Variants in ZBTB32 observed in about 807,000 individuals in gnomAD.
ZBTB32 encodes the protein zinc finger and BTB domain containing 32.
A neutral mutation model predicts 45.3 loss-of-function variants in ZBTB32; 28 were observed. The ratio of observed to expected loss-of-function variants is 0.62; its 90% CI spans 0.46 to 0.85. The LOEUF (loss-of-function observed/expected upper bound fraction) is 0.85, where lower values mean the gene tolerates loss of function less well. Among genes scored for constraint, ZBTB32 ranks in the 40% least tolerant of loss-of-function variants. The pLI is 0.00. For missense variants in ZBTB32, 587 were observed against 624.4 expected (o/e 0.94, Z 0.64); for synonymous variants, 283 against 255.7 (o/e 1.11, Z -1.02).
intron 2 of ZBTB32, among the ~76,000 whole-genome samples, chr19:35,713,763 A>G (rs1968769327): frequency 6.6e-6 from 1 of 152,208 alleles, no homozygotes; most frequent in African/African-American, 2.4e-5. Context: ...TCTTATGAAA[A>G]ACAAATTAAA....
chr19:35,714,969 G>C lies in ZBTB32; in HGVS notation c.343G>C (p.Asp115His). The C allele has an allele frequency of 6.3e-7, 1 of 1,597,906 alleles. No homozygotes were observed. The highest frequency in any genetic ancestry group is 8.5e-7 in the Non-Finnish European group (1 of 1,172,346). ...AGAGGCATGCTGGAGGGCTCGAGGG[G>C]ACAGGGCTAAAAAGCCAGATCCAGG... The part of the protein sequence containing the change: ...LEEACWRARG[D>H]RAKKPDPGLK... The change falls in exon 3 of 7, where the codon GAC becomes CAC. Residue 115 changes from aspartate to histidine, a missense_variant. Physicochemically the swap from Asp to His is moderately conservative, Grantham distance 81. Transcript: ENST00000392197.
chr19:35,705,318 A>T, intron 1 of ZBTB32, among the ~76,000 whole-genome samples: 1 of 149,522 alleles, frequency 6.7e-6, no homozygotes, highest in Non-Finnish European at 1.5e-5. Flanking sequence ...ACCCTGTCTC[A>T]AGAAAAAAAA....
Position 35,715,461 on chromosome 19 carries a change from A to T in ZBTB32, c.835A>T (p.Ser279Cys). ...PPRYGIPFYH[S>C]TPTTGAWQEV... ...CAGATATGGCATTCCCTTCTACCAT[A>T]GCACCCCCACCACTGGAGCCTGGCA... Residue 279 changes from serine (S) to cysteine (C), a missense_variant, in exon 3 of 7, where the codon AGC becomes TGC. Ser to Cys is a moderately radical substitution (Grantham distance 112, BLOSUM62 -1). Coordinates refer to ENST00000392197, the MANE Select transcript of ZBTB32 (RefSeq NM_014383.3). The T allele has an allele frequency of 1.3e-6, 2 of 1,574,810 alleles. No individual in the cohort carries two copies. The highest frequency in any genetic ancestry group is 1.2e-5 in the South Asian group (1 of 85,876).
rs901216836 is a variant in ZBTB32 at position 35,716,948 on chromosome 19, G to C, written c.*196G>C. Reference sequence around the variant, plus strand: ...CAGGCCAGCGAGCCCTACAGAGTGAGGACACTGAAGTGTGCAGGAGCGAAG... The same window carrying C: ...CAGGCCAGCGAGCCCTACAGAGTGACGACACTGAAGTGTGCAGGAGCGAAG... On this transcript the variant is annotated 3_prime_UTR_variant, in exon 7 of 7. Coordinates refer to ENST00000392197, the MANE Select transcript of ZBTB32 (RefSeq NM_014383.3). The C allele has an allele frequency of 2.3e-5, 14 of 620,336 alleles. No individual in the cohort carries two copies. Among genetic ancestry groups the C allele is most frequent in the Non-Finnish European group, 3.4e-5 (12 of 355,450 alleles). The allele number at this position is 620,336 out of a possible 1,614,324, so 38.4% of individuals were successfully genotyped here.
At chr19:35,710,433 A>AG (rs1234062302) in intron 1 of ZBTB32, among the ~76,000 whole-genome samples, 1 of 151,868 alleles carries the variant, frequency 6.6e-6, no homozygotes, top group African/African-American at 2.4e-5. Context: ...AGGAAGAGGA[A>AG]GGGGGGGCAA....
At chr19:35,708,887 C>G (rs552703528) in intron 1 of ZBTB32, among the ~76,000 whole-genome samples, 50 of 150,862 alleles carry the variant, frequency 3.3e-4, no homozygotes, top group Non-Finnish European at 5.9e-4. Flanking sequence ...GGCGCGATCT[C>G]GGCTCACCGC....
At chr19:35,710,444 G>A (rs1273196984) in intron 1 of ZBTB32, among the ~76,000 whole-genome samples, 2 of 151,972 alleles carry the variant, frequency 1.3e-5, no homozygotes, top group Non-Finnish European at 1.5e-5. Context: ...GGGGGGGCAA[G>A]GTTTTTGAGT....
At chr19:35,705,678 T>G (rs1968520599) in intron 1 of ZBTB32, among the ~76,000 whole-genome samples, 1 of 149,076 alleles carries the variant, frequency 6.7e-6, no homozygotes, top group Admixed American at 6.7e-5. Flanking sequence ...TTTGGGAGGC[T>G]GAGGTGGGTG....
intron 1 of ZBTB32, among the ~76,000 whole-genome samples, chr19:35,707,552 T>G (rs1205672047): frequency 3.3e-5 from 5 of 151,888 alleles, no homozygotes; most frequent in Non-Finnish European, 7.4e-5. Context: ...GTATTTTTAG[T>G]AGAGACGGCA....
In ZBTB32 at chr19:35,715,165, C is replaced by T. The variant is rs768724617; in HGVS notation, c.539C>T (p.Ala180Val). The T allele has an allele frequency of 4.3e-6, 7 of 1,613,482 alleles. No individual in the cohort carries two copies. In the East Asian group the frequency reaches 1.3e-4, roughly 31 times the overall value. Reference protein sequence around the residue: ...PPRGRPEMAGATQEAQQEQTR... With the variant: ...PPRGRPEMAGVTQEAQQEQTR... Reference sequence around the variant, plus strand: ...AGAGGCAGACCCGAGATGGCAGGAGCAACGCAGGAGGCTCAGCAGGAACAG... The same window carrying T: ...AGAGGCAGACCCGAGATGGCAGGAGTAACGCAGGAGGCTCAGCAGGAACAG... Residue 180 changes from alanine (A) to valine (V), a missense_variant, in exon 3 of 7, where the codon GCA becomes GTA. Physicochemically the swap from Ala to Val is moderately conservative, Grantham distance 64. Coordinates refer to ENST00000392197, the MANE Select transcript of ZBTB32 (RefSeq NM_014383.3).
At chr19:35,707,542 G>A (rs1968577890) in intron 1 of ZBTB32, among the ~76,000 whole-genome samples, 2 of 151,670 alleles carry the variant, frequency 1.3e-5, no homozygotes, top group Admixed American at 6.6e-5. Context: ...GCTAATTTTT[G>A]TATTTTTAGT....
Position 35,716,185 on chromosome 19 carries a change from C to T in ZBTB32, c.1077C>T (p.Arg359=), listed in dbSNP as rs1417477017. The T allele has an allele frequency of 1.2e-6, 2 of 1,613,892 alleles. No individual in the cohort carries two copies. The highest frequency in any genetic ancestry group is 1.7e-6 in the Non-Finnish European group (2 of 1,179,950). ...GHEDKAGCPP[R]PHPPPAPPAR... is the part of the protein sequence containing the mutation. ...AGGACAAGGCAGGCTGCCCACCTCG[C>T]CCGCACCCTCCCCCGGCCCCTCCTG... The change falls in exon 6 of 7, where the codon CGC becomes CGT. Residue 359 remains arginine (R), a synonymous_variant. Transcript: ENST00000392197.
rs764169327 is a variant in ZBTB32 at position 35,715,480 on chromosome 19, C to G, written c.854C>G (p.Ala285Gly). The G allele has an allele frequency of 5.9e-5, 91 of 1,554,690 alleles. 1 individual carries two copies. Among genetic ancestry groups the G allele is most frequent in the Non-Finnish European group, 7.7e-5 (89 of 1,152,260 alleles). Reference protein sequence around the residue: ...PFYHSTPTTGAWQEVWREQRI... With the variant: ...PFYHSTPTTGGWQEVWREQRI... ...TACCATAGCACCCCCACCACTGGAG[C>G]CTGGCAGGAGGTCTGGCGGGAACAG... Residue 285 changes from alanine (A) to glycine (G), a missense_variant, in exon 3 of 7, where the codon GCC (alanine) becomes GGC (glycine). Ala to Gly is a moderately conservative substitution (Grantham distance 60, BLOSUM62 0). Coordinates refer to ENST00000392197, the MANE Select transcript of ZBTB32 (RefSeq NM_014383.3).
Position 35,716,474 on chromosome 19 carries a change from C to G in ZBTB32, c.1190-4C>G. On this transcript the variant is annotated splice_polypyrimidine_tract_variant and splice_region_variant and intron_variant, in intron 6 of 6. Transcript: ENST00000392197. ...TCACCGGCCTCCCCTTCCGACCGCTCTAGGAGAGAAGCCCTTCTCCTGTAG... is the reference window on the plus strand; with the variant it reads ...TCACCGGCCTCCCCTTCCGACCGCTGTAGGAGAGAAGCCCTTCTCCTGTAG... 1 of 1,604,216 alleles carries G rather than the reference C, an allele frequency of 6.2e-7. No homozygotes were observed. Among genetic ancestry groups the G allele is most frequent in the Non-Finnish European group, 8.5e-7 (1 of 1,173,554 alleles).
chr19:35,712,461 G>A (rs1335459943), intron 1 of ZBTB32, among the ~76,000 whole-genome samples: 6 of 152,172 alleles, frequency 3.9e-5, no homozygotes, highest in Admixed American at 3.3e-4. Flanking sequence ...AAATAAACAT[G>A]TCATCAAAAT....
At chr19:35,709,443 C>A (rs564193202) in intron 1 of ZBTB32, among the ~76,000 whole-genome samples, 45 of 152,266 alleles carry the variant, frequency 3.0e-4, no homozygotes, top group African/African-American at 1.1e-3. Context: ...GACATTGTTA[C>A]ATCAAGCTGG....
intron 1 of ZBTB32, among the ~76,000 whole-genome samples, chr19:35,711,078 T>G (rs967213880): frequency 6.6e-6 from 1 of 152,214 alleles, no homozygotes; most frequent in Non-Finnish European, 1.5e-5. Flanking sequence ...CTGTCAACTA[T>G]ATTTGGCTTA....
At chr19:35,709,082 A>G (rs1181244802) in intron 1 of ZBTB32, among the ~76,000 whole-genome samples, 2 of 152,142 alleles carry the variant, frequency 1.3e-5, no homozygotes, top group Middle Eastern at 3.2e-3. Flanking sequence ...CACCTCCCAG[A>G]GTGCTGGGAT....
intron 1 of ZBTB32, among the ~76,000 whole-genome samples, chr19:35,708,894 C>A (rs1002074481): frequency 6.6e-6 from 1 of 151,778 alleles, no homozygotes; most frequent in Non-Finnish European, 1.5e-5. Flanking sequence ...TCTCGGCTCA[C>A]CGCAACCTCC....
Sources: allele counts gnomAD v4.1 joint callset (sites outside exome capture counted in the v4.1 genomes callset), GRCh38; gene constraint gnomAD v4.1.1; transcripts MANE v1.5; gene names NCBI Gene and HGNC (gene_info 2026-07-23, HGNC 2026-07-21).